Variants in KIF1A observed in about 807,000 individuals in gnomAD.
KIF1A encodes the protein kinesin family member 1A.
In KIF1A, 46 loss-of-function variants were observed where a neutral mutation model predicts 227.3. That is an observed-to-expected ratio of 0.20 (90% confidence interval 0.16 to 0.26). The LOEUF is 0.26. Ranked by LOEUF, KIF1A falls within the 10% of genes least tolerant of loss-of-function variation. The pLI, the probability that KIF1A is intolerant of heterozygous loss-of-function variation, is 1.00. For missense variants in KIF1A, 1,683 were observed against 2,485.9 expected (o/e 0.68, Z 6.87); for synonymous variants, 1,022 against 1,012.8 (o/e 1.01, Z -0.17).
chr2:240,776,616 G>A (rs1233311710), intron 10 of KIF1A, among the ~76,000 whole-genome samples: 2 of 152,204 alleles, frequency 1.3e-5, no homozygotes, highest in East Asian at 3.9e-4. Flanking sequence ...CAGACACTCT[G>A]TGACTGACTT....
At chr2:240,767,426 C>T in intron 17 of KIF1A, 81 bp from the exon 18 acceptor site, 1 of 1,179,140 alleles carries the variant, frequency 8.5e-7, no homozygotes, top group Non-Finnish European at 1.2e-6. Context: ...AACCTCTCTC[C>T]AGGCACCAGA....
At chr2:240,809,739 G>T (rs191254549) in intron 1 of KIF1A, among the ~76,000 whole-genome samples, 32 of 149,390 alleles carry the variant, frequency 2.1e-4, no homozygotes, top group African/African-American at 6.3e-4. Flanking sequence ...TGCAATCTTG[G>T]CTCGCTGCAA....
At chr2:240,801,868 C>A (rs1002733049) in intron 1 of KIF1A, among the ~76,000 whole-genome samples, 1 of 152,158 alleles carries the variant, frequency 6.6e-6, no homozygotes, top group African/African-American at 2.4e-5. Flanking sequence ...CACAAGCCAC[C>A]CTGTTTGTGA....
intron 46 of KIF1A, 134 bp downstream of exon 46, chr2:240,719,640 A>G (rs964863427): frequency 2.5e-5 from 26 of 1,046,716 alleles, no homozygotes; most frequent in Middle Eastern, 6.3e-4. Context: ...AACCTCCAGT[A>G]TGGGCATCAG....
chr2:240,727,063 C>T (rs1360765841), intron 38 of KIF1A, 123 bp from the exon 39 acceptor site: 4 of 596,574 alleles, frequency 6.7e-6, no homozygotes, highest in South Asian at 2.3e-5. Context: ...GCTGGGGGCA[C>T]AGGCTGGAAG....
chr2:240,728,643 C>G (rs1357546369), intron 38 of KIF1A, among the ~76,000 whole-genome samples: 5 of 152,230 alleles, frequency 3.3e-5, no homozygotes, highest in Admixed American at 2.0e-4. Context: ...GCAGTGAGAG[C>G]CTTGCGTCTG....
intron 41 of KIF1A, 90 bp from the exon 42 acceptor site, chr2:240,723,648 C>T (rs2125606219): frequency 2.1e-6 from 3 of 1,415,146 alleles, no homozygotes; most frequent in South Asian, 2.9e-5. Context: ...GTGAAGCTGT[C>T]TCCCCTCTGG....
Position 240,757,257 on chromosome 2 carries a change from A to G in KIF1A, c.2858+62T>C. On this transcript the variant is annotated intron_variant, in intron 27 of 48. Coordinates refer to ENST00000498729, the MANE Select transcript of KIF1A (RefSeq NM_001244008.2). The surrounding 1 kb of genome is among the most constrained non-coding windows in gnomAD (Gnocchi z 6.2). ...GCCCCAGCGGTTCCTCTGTGCCCGC[A>G]GCAGTGCTCCTGTGCAAAAGAGCTG... The G allele has an allele frequency of 2.0e-6, 3 of 1,476,362 alleles. No individual in the cohort carries two copies. The highest frequency in any genetic ancestry group is 1.4e-5 in the African/African-American group (1 of 71,800). 91.5% of individuals were successfully genotyped at this position (1,476,362 alleles called of 1,614,324 possible).
In KIF1A at chr2:240,719,878, C is replaced by T. The variant is rs187810230; in HGVS notation, c.4917G>A (p.Leu1639=). 4.4e-4 allele frequency: 705 copies of T among 1,611,834 alleles called. 2 individuals carry two copies. In the African/African-American group the frequency reaches 7.7e-3, roughly 18 times the overall value. The change falls in exon 46 of 49, where the codon CTG becomes CTA. Residue 1639 remains leucine (L), a synonymous_variant. Transcript: ENST00000498729. ...GGAGCTTCTTGGAGTCGGCCTCTGGCAGCAGCTCGGGCTCTGGGCTGGCTG... is the reference window on the plus strand; with the variant it reads ...GGAGCTTCTTGGAGTCGGCCTCTGGTAGCAGCTCGGGCTCTGGGCTGGCTG... ...SRPASPEPEL[L]PEADSKKLPS...
At chr2:240,768,357 C>T (rs1165005626) in intron 17 of KIF1A, among the ~76,000 whole-genome samples, 1 of 152,232 alleles carries the variant, frequency 6.6e-6, no homozygotes, top group African/African-American at 2.4e-5. Context: ...TGGAATCTCC[C>T]TACAGCTCTT....
intron 38 of KIF1A, chr2:240,734,871 C>T (rs955893961): frequency 2.9e-6 from 2 of 679,408 alleles, no homozygotes; most frequent in Non-Finnish European, 2.4e-6. Context: ...GGCTGCAAAG[C>T]GTGGGGCCTG....
Position 240,788,041 on chromosome 2 carries a change from C to CCCCTAG in KIF1A, c.363+9_363+10insCTAGGG. 4 of 1,520,612 alleles carry CCCCTAG rather than the reference C, an allele frequency of 2.6e-6. No individual in the cohort carries two copies. Among genetic ancestry groups the CCCCTAG allele is most frequent in the Admixed American group, 2.0e-5 (1 of 49,702 alleles). The allele number at this position is 1,520,612 out of a possible 1,614,324, so 94.2% of individuals were successfully genotyped here. On this transcript the variant is annotated intron_variant, in intron 4 of 48. Transcript: ENST00000498729. The surrounding 1 kb of genome is among the most constrained non-coding windows in gnomAD (Gnocchi z 6.6). ...GCCAGGGCTGCCCCCGCCCGCCCCCCGCTTCGTGCCTGTGGGATGATGCCC... is the reference window on the plus strand; with the variant it reads ...GCCAGGGCTGCCCCCGCCCGCCCCCCCCCTAGGCTTCGTGCCTGTGGGATGATGCCC...
chr2:240,761,728 A>G (rs1018045764), intron 23 of KIF1A, among the ~76,000 whole-genome samples: 1 of 152,230 alleles, frequency 6.6e-6, no homozygotes, highest in African/African-American at 2.4e-5. Context: ...CACAGTGAGC[A>G]ACATGAAAAG....
intron 8 of KIF1A, 63 bp downstream of exon 8, chr2:240,783,676 G>A: frequency 7.4e-7 from 1 of 1,343,410 alleles, no homozygotes; most frequent in Non-Finnish European, 1.0e-6. Flanking sequence ...GAGCCCTCCT[G>A]CCACCCACTC....
At chr2:240,799,732 G>A (rs113986802) in intron 1 of KIF1A, among the ~76,000 whole-genome samples, 3 of 152,308 alleles carry the variant, frequency 2.0e-5, no homozygotes, top group African/African-American at 7.2e-5. Context: ...CACAAATCCC[G>A]CAAGGTTTCT....
At chr2:240,787,490 G>A (rs552505305) in intron 4 of KIF1A, among the ~76,000 whole-genome samples, 174 bp from the exon 5 acceptor site, 6 of 152,320 alleles carry the variant, frequency 3.9e-5, no homozygotes, top group African/African-American at 1.2e-4. Context: ...TAGCCAAGGA[G>A]CCAGTGTCTC....
chr2:240,738,037 C>G (rs2047552591), intron 37 of KIF1A, among the ~76,000 whole-genome samples: 1 of 152,242 alleles, frequency 6.6e-6, no homozygotes, highest in African/African-American at 2.4e-5. Flanking sequence ...GCAAAGTGCC[C>G]TTCCCCACGC....
Position 240,815,393 on chromosome 2 carries a change from C to A in KIF1A, c.-61+4729G>T, listed in dbSNP as rs193030853. Among the ~76,000 whole-genome samples the A allele has an allele frequency of 1.2e-4, 19 of 152,240 alleles. 1 individual carries two copies. Among genetic ancestry groups the A allele is most frequent in the Middle Eastern group, 3.4e-3 (1 of 294 alleles). The stretch of plus-strand genomic sequence containing the variant: ...GCACTACCAGCCTCAGGGAAGGGGC[C>A]CTGCAGGAGCAGTCCGGGGCCATGC... On this transcript the variant is annotated intron_variant, in intron 1 of 48. Coordinates refer to ENST00000498729, the MANE Select transcript of KIF1A (RefSeq NM_001244008.2).
intron 1 of KIF1A, among the ~76,000 whole-genome samples, chr2:240,807,076 A>ATG (rs1417412882): frequency 1.8e-4 from 13 of 73,222 alleles, no homozygotes; most frequent in East Asian, 3.9e-4. Flanking sequence ...ATCCTCATAT[A>ATG]TATGTGTGTG....
Sources: allele counts gnomAD v4.1 joint callset (sites outside exome capture counted in the v4.1 genomes callset), GRCh38; gene constraint gnomAD v4.1.1; non-coding constraint Gnocchi (gnomAD v3.1); transcripts MANE v1.5; gene names NCBI Gene and HGNC (gene_info 2026-07-23, HGNC 2026-07-21).